DLGAP2: variants seen among roughly 807,000 people sequenced by gnomAD.
The protein encoded by DLGAP2 is disks large-associated protein 2.
DLGAP2 carries 26 observed loss-of-function variants against 100.3 expected under a neutral mutation model. The observed-to-expected ratio is 0.26, with a 90% CI of 0.19 to 0.36. The LOEUF (loss-of-function observed/expected upper bound fraction) is 0.36, where lower values mean the gene tolerates loss of function less well. Ranked by LOEUF, DLGAP2 falls within the 10% of genes least tolerant of loss-of-function variation. The pLI, the probability that DLGAP2 is intolerant of heterozygous loss-of-function variation, is 1.00. For synonymous variants in DLGAP2, 886 were observed against 630.1 expected (o/e 1.41, Z -6.08); for missense variants, 1,858 against 1,453.2 (o/e 1.28, Z -4.53).
intron 13 of DLGAP2, among the ~76,000 whole-genome samples, chr8:1,694,292 C>T (rs541192255): frequency 4.9e-4 from 75 of 152,206 alleles, no homozygotes; most frequent in African/African-American, 1.5e-3. Flanking sequence ...AGAGATGCTT[C>T]GCTCATCAAA....
intron 1 of DLGAP2, among the ~76,000 whole-genome samples, chr8:792,267 T>G (rs993279159): frequency 6.6e-6 from 1 of 152,250 alleles, no homozygotes; most frequent in Non-Finnish European, 1.5e-5. Flanking sequence ...TGTATTATTT[T>G]TCTTACTGAA....
chr8:1,085,557 C>A (rs1325254833), intron 2 of DLGAP2, among the ~76,000 whole-genome samples: 2 of 152,096 alleles, frequency 1.3e-5, no homozygotes, highest in Non-Finnish European at 2.9e-5. Context: ...TTCTCAGCGC[C>A]TTTATTGAAG....
At chr8:760,890 C>T (rs1563416721) in intron 1 of DLGAP2, among the ~76,000 whole-genome samples, 2 of 152,146 alleles carry the variant, frequency 1.3e-5, no homozygotes, top group African/African-American at 4.8e-5. Flanking sequence ...CACCATGCTG[C>T]GGGAGACCCT....
At position 1,279,347 on chromosome 8, in the gene DLGAP2, G is replaced by T. The variant is rs144835487; in HGVS notation, c.106+20464G>T. The stretch of plus-strand genomic sequence containing the variant: ...AATTGCCTGCCATGAATGAAGCTCT[G>T]TTTGGCACTTTATGTAAATATGTGG... On this transcript the variant is annotated intron_variant, in intron 3 of 14. Coordinates refer to ENST00000637795, the MANE Select transcript of DLGAP2 (RefSeq NM_001346810.2). Among the ~76,000 whole-genome samples the T allele has an allele frequency of 3.2e-3, 485 of 152,286 alleles. 3 individuals carry two copies. The highest frequency in any genetic ancestry group is 0.011 in the African/African-American group (452 of 41,550).
chr8:1,588,738 T>TAAAAAA (rs11358700), intron 6 of DLGAP2, among the ~76,000 whole-genome samples: 3 of 91,460 alleles, frequency 3.3e-5, no homozygotes, highest in East Asian at 6.8e-4. Context: ...CTGTCTTTAC[T>TAAAAAA]AAAAAAAAAA....
intron 3 of DLGAP2, among the ~76,000 whole-genome samples, chr8:1,294,761 T>G (rs10283013): frequency 0.12 from 18,702 of 151,904 alleles, 1,483 homozygotes; most frequent in East Asian, 0.24. Flanking sequence ...CCTGGCACTT[T>G]GGGAGGCTGA....
chr8:1,489,083 G>C (rs180758613), intron 3 of DLGAP2, among the ~76,000 whole-genome samples: 1 of 152,208 alleles, frequency 6.6e-6, no homozygotes, highest in Non-Finnish European at 1.5e-5. Context: ...ACCCTGTTCA[G>C]ATTCTTCCTC....
At chr8:817,732 C>A (rs1416801674) in intron 1 of DLGAP2, among the ~76,000 whole-genome samples, 1 of 152,190 alleles carries the variant, frequency 6.6e-6, no homozygotes, top group Non-Finnish European at 1.5e-5. Context: ...ATTGTTTTTG[C>A]TCTTCTGGGT....
chr8:1,263,070 A>G (rs1799383258), intron 3 of DLGAP2, among the ~76,000 whole-genome samples: 1 of 152,200 alleles, frequency 6.6e-6, no homozygotes, highest in African/African-American at 2.4e-5. Context: ...TAAATCTAAG[A>G]AATAAAATCA....
intron 4 of DLGAP2, among the ~76,000 whole-genome samples, chr8:1,522,553 C>T (rs1480176454): frequency 6.6e-6 from 1 of 152,198 alleles, no homozygotes; most frequent in Non-Finnish European, 1.5e-5. Context: ...CCTTTACTTC[C>T]TTACGTCTTG....
chr8:1,127,879 C>T (rs1454025922), intron 2 of DLGAP2, among the ~76,000 whole-genome samples: 1 of 152,156 alleles, frequency 6.6e-6, no homozygotes, highest in East Asian at 1.9e-4. Context: ...AGAGTCTGAA[C>T]TAAGAGTCTA....
At chr8:1,675,148 C>T (rs1798782118) in intron 10 of DLGAP2, among the ~76,000 whole-genome samples, 1 of 152,262 alleles carries the variant, frequency 6.6e-6, no homozygotes, top group African/African-American at 2.4e-5. Context: ...GCTTCTGCGC[C>T]TGTCTTCAGA....
chr8:1,284,087 A>G (rs879295810), intron 3 of DLGAP2, among the ~76,000 whole-genome samples: 1 of 152,300 alleles, frequency 6.6e-6, no homozygotes, highest in South Asian at 2.1e-4. Flanking sequence ...CAAAATTACT[A>G]TTGCCCTGTC....
intron 2 of DLGAP2, among the ~76,000 whole-genome samples, chr8:1,110,895 T>A (rs1436198513): frequency 1.3e-5 from 2 of 152,004 alleles, no homozygotes; most frequent in African/African-American, 4.8e-5. Context: ...TGTGGGGCCC[T>A]TCCCTGTGGA....
intron 2 of DLGAP2, among the ~76,000 whole-genome samples, chr8:1,063,124 G>A (rs971701326): frequency 1.3e-5 from 2 of 152,176 alleles, no homozygotes; most frequent in East Asian, 3.9e-4. Flanking sequence ...CCTCTTATCA[G>A]CTGCATTAAA....
intron 3 of DLGAP2, among the ~76,000 whole-genome samples, chr8:1,281,104 G>A (rs1182126414): frequency 6.6e-6 from 1 of 152,178 alleles, no homozygotes; most frequent in Non-Finnish European, 1.5e-5. Context: ...GATTATGTAT[G>A]CCAAGTTCTT....
intron 3 of DLGAP2, among the ~76,000 whole-genome samples, chr8:1,346,191 G>T (rs1252621058): frequency 1.3e-5 from 2 of 152,168 alleles, no homozygotes; most frequent in Non-Finnish European, 2.9e-5. Flanking sequence ...CCCATACAGA[G>T]CTGCATTGCA....
At chr8:1,310,809 C>G (rs1333953479) in intron 3 of DLGAP2, among the ~76,000 whole-genome samples, 2 of 152,102 alleles carry the variant, frequency 1.3e-5, no homozygotes, top group South Asian at 2.1e-4. Context: ...AGGCACCCAC[C>G]ACCACACCCA....
intron 2 of DLGAP2, among the ~76,000 whole-genome samples, chr8:965,764 CTGCGCTGCACACG>C (rs1799852903): frequency 2.2e-5 from 3 of 134,904 alleles, no homozygotes; most frequent in African/African-American, 8.3e-5. Context: ...AGTCTGACCC[CTGCGCTGCACACG>C]GCACTGTTCA....
Sources: allele counts gnomAD v4.1 joint callset (sites outside exome capture counted in the v4.1 genomes callset), GRCh38; gene constraint gnomAD v4.1.1; transcripts MANE v1.5; gene names NCBI Gene and HGNC (gene_info 2026-07-23, HGNC 2026-07-21).